The following STON2 variants were observed in gnomAD, a reference collection of about 807,000 sequenced individuals.
STON2 encodes stonin-2.
A neutral mutation model predicts 65.7 loss-of-function variants in STON2; 29 were observed. The observed-to-expected ratio is 0.44, with a 90% CI of 0.33 to 0.60. STON2 has a LOEUF of 0.60. Among genes scored for constraint, STON2 ranks in the 20% least tolerant of loss-of-function variants. The probability of loss-of-function intolerance (pLI) is 0.03; values close to 1 mark genes in which losing one functional copy is unlikely to be tolerated. For missense variants in STON2, 1,054 were observed against 1,118.1 expected, an observed-to-expected ratio of 0.94 and a Z score of 0.82; for synonymous variants, 404 against 414.2, an observed-to-expected ratio of 0.98 and a Z score of 0.30.
At chr14:81,293,109 TG>T (rs1451720865) in intron 5 of STON2, among the ~76,000 whole-genome samples, 1 of 151,632 alleles carries the variant, frequency 6.6e-6, no homozygotes, top group African/African-American at 2.4e-5. Context: ...AGGAAGATAG[TG>T]GGGGCTAAGT....
intron 6 of STON2, among the ~76,000 whole-genome samples, chr14:81,275,576 C>T (rs569543226): frequency 6.6e-6 from 1 of 152,182 alleles, no homozygotes; most frequent in South Asian, 2.1e-4. Flanking sequence ...CAGCAGAAGA[C>T]AGTGCTGATT....
Position 81,324,102 on chromosome 14 carries a change from G to A in STON2, c.657C>T (p.His219=), listed in dbSNP as rs1013214068. Among the ~76,000 whole-genome samples, 1 of 152,242 alleles carries A rather than the reference G, an allele frequency of 6.6e-6. No individual in the cohort carries two copies. The highest frequency in any genetic ancestry group is 1.9e-4 in the East Asian group (1 of 5,192). The change falls in exon 5 of 8, where the codon CAC becomes CAT. Residue 219 remains histidine (H), a synonymous_variant. Transcript: ENST00000614646. ...ACSEHTSTRT[H]RLDPSPPSPQ... ...GTGAGGGTGGCGAGGGGTCCAGGCG[G>A]TGGGTGCGGGTGGAGGTATGCTCCG...
At chr14:81,367,841 TC>T (rs35265885) in intron 4 of STON2, among the ~76,000 whole-genome samples, 76,105 of 152,000 alleles carry the variant, frequency 0.5, 19,546 homozygotes, top group East Asian at 0.73. Flanking sequence ...GAAGACTGCG[TC>T]CGTCAAAGCA....
intron 2 of STON2, among the ~76,000 whole-genome samples, chr14:81,420,734 CTGGCAGGA>C (rs1901663750): frequency 6.6e-6 from 1 of 152,170 alleles, no homozygotes; most frequent in Non-Finnish European, 1.5e-5. Flanking sequence ...ACATTCCAAG[CTGGCAGGA>C]TGGTATCTAT....
chr14:81,434,375 C>T (rs1342784028), intron 1 of STON2, among the ~76,000 whole-genome samples: 1 of 152,138 alleles, frequency 6.6e-6, no homozygotes, highest in Admixed American at 6.5e-5. Flanking sequence ...CAGATCCTCC[C>T]ACGCCACTGG....
rs539415984 is a variant in STON2, at chr14:81,406,059, T to C, written c.-198-7479A>G. 3.4e-4 allele frequency among the ~76,000 whole-genome samples: 52 copies of C among 152,288 alleles called. No individual in the cohort carries two copies. In the South Asian group the frequency reaches 0.01, roughly 30 times the overall value. On this transcript the variant is annotated intron_variant, in intron 2 of 8. Transcript: ENST00000553821. ...CATCAGACTCCAATTTCTTCAGCTT[T>C]TGGACTCTTGGACTTACACCAGTGA...
intron 4 of STON2, among the ~76,000 whole-genome samples, chr14:81,369,052 T>A (rs1172411150): frequency 6.6e-6 from 1 of 152,198 alleles, no homozygotes; most frequent in Non-Finnish European, 1.5e-5. Flanking sequence ...GCACCAGATT[T>A]GGGAATTTAT....
At chr14:81,269,465 C>A in intron 7 of STON2, 1 of 985,432 alleles carries the variant, frequency 1.0e-6, no homozygotes, top group Admixed American at 6.1e-5. Context: ...TCTTTGATAG[C>A]TCAGGCAAGG....
chr14:81,351,950 G>T (rs1318669738), intron 4 of STON2, among the ~76,000 whole-genome samples: 2 of 152,192 alleles, frequency 1.3e-5, no homozygotes, highest in Non-Finnish European at 2.9e-5. Flanking sequence ...TCAACTGTTT[G>T]TCAGTCTCCT....
At chr14:81,328,568 A>G (rs1169409163) in intron 4 of STON2, among the ~76,000 whole-genome samples, 1 of 152,106 alleles carries the variant, frequency 6.6e-6, no homozygotes, top group Non-Finnish European at 1.5e-5. Context: ...TACTGAGTTA[A>G]ACTGTGTCCC....
chr14:81,373,217 AT>A (rs1009799664), intron 3 of STON2, among the ~76,000 whole-genome samples: 1 of 152,184 alleles, frequency 6.6e-6, no homozygotes, highest in African/African-American at 2.4e-5. Context: ...TTCAACAAAT[AT>A]TTGTTGGTTA....
intron 5 of STON2, among the ~76,000 whole-genome samples, chr14:81,287,686 G>A (rs1895391221): frequency 6.6e-6 from 1 of 152,128 alleles, no homozygotes; most frequent in Non-Finnish European, 1.5e-5. Flanking sequence ...TGTTGGTGGG[G>A]TACAGCCTCA....
chr14:81,435,643 T>C (rs763903338), intron 1 of STON2, among the ~76,000 whole-genome samples: 1 of 151,886 alleles, frequency 6.6e-6, no homozygotes, highest in African/African-American at 2.4e-5. Flanking sequence ...CTCCTTCCAG[T>C]AGGGGTTGCA....
At chr14:81,358,247 A>G (rs960122636) in intron 4 of STON2, among the ~76,000 whole-genome samples, 24 of 152,138 alleles carry the variant, frequency 1.6e-4, no homozygotes, top group South Asian at 1.0e-3. Flanking sequence ...AATAATATAA[A>G]TTCTGACATT....
At chr14:81,359,902 C>T (rs368677349) in intron 4 of STON2, among the ~76,000 whole-genome samples, 5 of 152,064 alleles carry the variant, frequency 3.3e-5, no homozygotes, top group African/African-American at 1.2e-4. Context: ...AAACTTCCAT[C>T]AAAGAAAAGT....
intron 2 of STON2, among the ~76,000 whole-genome samples, chr14:81,422,119 C>G (rs376805932): frequency 6.6e-6 from 1 of 152,132 alleles, no homozygotes; most frequent in Non-Finnish European, 1.5e-5. Context: ...TTTGGCCCTG[C>G]CAAGTCTCCT....
chr14:81,378,036 G>T (rs758849045), intron 3 of STON2, among the ~76,000 whole-genome samples: 2 of 151,828 alleles, frequency 1.3e-5, no homozygotes, highest in South Asian at 2.1e-4. Context: ...TAGTAGAGAC[G>T]GAGTTTCACC....
intron 3 of STON2, among the ~76,000 whole-genome samples, chr14:81,391,021 G>A (rs530397548): frequency 3.3e-5 from 5 of 152,176 alleles, no homozygotes; most frequent in South Asian, 2.1e-4. Flanking sequence ...AAGCAAAATC[G>A]CCCTCTGCCA....
chr14:81,333,487 G>A (rs918898745), intron 4 of STON2: 13 of 256,518 alleles, frequency 5.1e-5, no homozygotes, highest in Non-Finnish European at 1.5e-5. Flanking sequence ...TGCTGACGAA[G>A]AAAACAAAGC....
Sources: allele counts gnomAD v4.1 joint callset (sites outside exome capture counted in the v4.1 genomes callset), GRCh38; gene constraint gnomAD v4.1.1; transcripts MANE v1.5; gene names NCBI Gene and HGNC (gene_info 2026-07-23, HGNC 2026-07-21).